Variants in MYL1 observed in about 807,000 individuals in gnomAD.
MYL1 encodes the protein myosin light chain 1/3, skeletal muscle isoform.
A neutral mutation model predicts 21.8 loss-of-function variants in MYL1; 16 were observed. That is an observed-to-expected ratio of 0.74 (90% CI 0.50 to 1.12). The LOEUF (loss-of-function observed/expected upper bound fraction) is 1.12. Among genes scored for constraint, MYL1 ranks in the 50% most tolerant of loss-of-function variants. The probability of loss-of-function intolerance (pLI) is 0.00; values close to 1 mark genes in which losing one functional copy is unlikely to be tolerated. For missense variants in MYL1, 246 were observed against 241.0 expected, an observed-to-expected ratio of 1.02 and a Z score of -0.14; for synonymous variants, 99 against 85.2, an observed-to-expected ratio of 1.16 and a Z score of -0.89.
chr2:210,296,335 G>A (rs1376990032), intron 3 of MYL1, among the ~76,000 whole-genome samples: 1 of 152,114 alleles, frequency 6.6e-6, no homozygotes, highest in Non-Finnish European at 1.5e-5. Context: ...AAAATGAATT[G>A]TTGCTAGTAT....
intron 1 of MYL1, among the ~76,000 whole-genome samples, chr2:210,308,539 G>C (rs1690374050): frequency 6.7e-6 from 1 of 150,176 alleles, no homozygotes. Flanking sequence ...TAGGTGGTTA[G>C]ATTGCATAAA....
At chr2:210,302,453 T>G in intron 2 of MYL1, 35 bp downstream of exon 2, 1 of 1,592,218 alleles carries the variant, frequency 6.3e-7, no homozygotes, top group Non-Finnish European at 8.5e-7. Flanking sequence ...TCTTTATGAG[T>G]GTGCACATTT....
chr2:210,291,175 T>A, intron 5 of MYL1, 101 bp from the exon 6 acceptor site: 2 of 900,844 alleles, frequency 2.2e-6, no homozygotes, highest in Non-Finnish European at 3.6e-6. Context: ...TATTTTTAGC[T>A]GTAACAATAG....
chr2:210,297,632 G>A (rs914156421), intron 3 of MYL1, among the ~76,000 whole-genome samples: 1 of 151,380 alleles, frequency 6.6e-6, no homozygotes, highest in Non-Finnish European at 1.5e-5. Flanking sequence ...TTTTCCATTA[G>A]ACTATTATAC....
rs71043988 is a variant in MYL1 at position 210,308,399 on chromosome 2, A to AATATATATATATATATAT, written c.133-5902_133-5885dup. On this transcript the variant is annotated intron_variant, in intron 1 of 6. Coordinates refer to ENST00000352451, the MANE Select transcript of MYL1 (RefSeq NM_079420.3). ...CTTCAACATAGGATATACTTAGGCTAATATATATATATATATATATATATA... is the reference window on the plus strand; with the variant it reads ...CTTCAACATAGGATATACTTAGGCTAATATATATATATATATATATATATATATATATATATATATATA... Among the ~76,000 whole-genome samples the AATATATATATATATATAT allele has an allele frequency of 7.9e-4, 67 of 84,750 alleles. 2 individuals are homozygous for AATATATATATATATATAT. Among genetic ancestry groups the AATATATATATATATATAT allele is most frequent in the Non-Finnish European group, 1.0e-3 (44 of 43,092 alleles). The allele number at this position is 84,750 out of a possible 152,430, so 55.6% of individuals were successfully genotyped here.
At chr2:210,307,851 C>T (rs1007527868) in intron 1 of MYL1, among the ~76,000 whole-genome samples, 9 of 152,168 alleles carry the variant, frequency 5.9e-5, no homozygotes, top group East Asian at 3.9e-4. Context: ...AAAGTAATTG[C>T]GGCTTTGCCA....
At chr2:210,310,700 C>T (rs1690405873) in intron 1 of MYL1, among the ~76,000 whole-genome samples, 1 of 151,948 alleles carries the variant, frequency 6.6e-6, no homozygotes, top group African/African-American at 2.4e-5. Context: ...CTATGGAGAA[C>T]AGAATAGTAG....
intron 3 of MYL1, among the ~76,000 whole-genome samples, chr2:210,296,181 G>A (rs1477369063): frequency 1.3e-5 from 2 of 152,154 alleles, no homozygotes; most frequent in Non-Finnish European, 2.9e-5. Context: ...CTAATTGTAT[G>A]TATTTACGGG....
chr2:210,308,686 A>G (rs1471868654), intron 1 of MYL1, among the ~76,000 whole-genome samples: 1 of 151,862 alleles, frequency 6.6e-6, no homozygotes, highest in Non-Finnish European at 1.5e-5. Flanking sequence ...AGAGAGGTCT[A>G]AGTGAATTTT....
In MYL1 at chr2:210,298,679, G is replaced by A. The variant is rs147299866; in HGVS notation, c.161-116C>T. 104 of 1,131,918 alleles carry A rather than the reference G, an allele frequency of 9.2e-5. No homozygotes were observed. The East Asian group carries it at 2.5e-3, about 27-fold the overall frequency. The allele number at this position is 1,131,918 out of a possible 1,614,324, so 70.1% of individuals were successfully genotyped here. A position where few individuals can be genotyped will look rare whatever the true frequency, so the allele number is the denominator to read the frequency against. ...CAGTTTTACAACTTCTGCCAACTAT[G>A]CAAGTTGTTATCCTGGATTCTCTTT... On this transcript the variant is annotated intron_variant, in intron 2 of 6. Transcript: ENST00000352451.
chr2:210,293,861 T>C (rs1245408166), intron 4 of MYL1, 61 bp from the exon 5 acceptor site: 1 of 1,466,184 alleles, frequency 6.8e-7, no homozygotes, highest in East Asian at 2.3e-5. Context: ...AAATCCACCA[T>C]AGGTCATCAG....
rs16844317 is a variant in MYL1, at chr2:210,305,109, A to G, written c.133-2594T>C. Among the ~76,000 whole-genome samples the G allele has an allele frequency of 2.9e-3, 444 of 152,334 alleles. 1 individual carries two copies. Among genetic ancestry groups the G allele is most frequent in the African/African-American group, 0.01 (424 of 41,584 alleles). ...AACTGTTTTTAGGGGGATGGTCACAAAAAACATGAAGTCTTCCCTTCTAGA... is the reference window on the plus strand; with the variant it reads ...AACTGTTTTTAGGGGGATGGTCACAGAAAACATGAAGTCTTCCCTTCTAGA... On this transcript the variant is annotated intron_variant, in intron 1 of 6. Coordinates refer to ENST00000352451, the MANE Select transcript of MYL1 (RefSeq NM_079420.3).
Position 210,294,225 on chromosome 2 carries a change from A to G in MYL1, c.478+20T>C. ...CTATATATTCTGTCTCACTAAGTCC[A>G]CTGAAATAAATTCCCTTACCCAGGG... On this transcript the variant is annotated intron_variant, in intron 4 of 6. Coordinates refer to ENST00000352451, the MANE Select transcript of MYL1 (RefSeq NM_079420.3). 6.3e-7 allele frequency: 1 copy of G among 1,595,636 alleles called. No homozygotes were observed. Among genetic ancestry groups the G allele is most frequent in the South Asian group, 1.1e-5 (1 of 88,098 alleles).
At chr2:210,296,361 C>T (rs992093810) in intron 3 of MYL1, among the ~76,000 whole-genome samples, 3 of 152,134 alleles carry the variant, frequency 2.0e-5, no homozygotes, top group Non-Finnish European at 4.4e-5. Flanking sequence ...TCCTATAGTG[C>T]TTTAGAACAC....
Position 210,291,167 on chromosome 2 carries a change from T to G in MYL1, c.557-93A>C. On this transcript the variant is annotated intron_variant, in intron 5 of 6. Transcript: ENST00000352451. The stretch of plus-strand genomic sequence containing the variant: ...GGTTTAATGAGTTAGCTCAATCCTA[T>G]TTTTAGCTGTAACAATAGTTTCTTT... 3 of 954,022 alleles carry G rather than the reference T, an allele frequency of 3.1e-6. No individual in the cohort carries two copies. In the South Asian group the frequency reaches 4.3e-5, roughly 14 times the overall value. The allele number at this position is 954,022 out of a possible 1,614,324, so 59.1% of individuals were successfully genotyped here. A position where few individuals can be genotyped will look rare whatever the true frequency, so the allele number is the denominator to read the frequency against.
chr2:210,306,020 A>G (rs896906723), intron 1 of MYL1, among the ~76,000 whole-genome samples: 4 of 151,246 alleles, frequency 2.6e-5, no homozygotes, highest in Non-Finnish European at 4.4e-5. Context: ...AGATCGTGCC[A>G]TTGCACTCCA....
intron 1 of MYL1, among the ~76,000 whole-genome samples, chr2:210,306,692 G>A (rs920757872): frequency 6.6e-6 from 1 of 151,660 alleles, no homozygotes; most frequent in Non-Finnish European, 1.5e-5. Flanking sequence ...AGAATAAATG[G>A]GAAATCCAAT....
intron 1 of MYL1, among the ~76,000 whole-genome samples, chr2:210,312,749 A>T (rs1690434064): frequency 6.6e-6 from 1 of 151,538 alleles, no homozygotes; most frequent in Non-Finnish European, 1.5e-5. Flanking sequence ...TGTTTCTTCC[A>T]GATTCATTTA....
intron 1 of MYL1, among the ~76,000 whole-genome samples, chr2:210,306,409 G>T (rs1336487464): frequency 1.3e-5 from 2 of 151,078 alleles, no homozygotes; most frequent in Non-Finnish European, 2.9e-5. Context: ...TTGAATTTAT[G>T]TTATGAATAA....
Sources: gnomAD v4.1 joint callset for allele counts (sites outside exome capture counted in the v4.1 genomes callset) on GRCh38, gnomAD v4.1.1 for gene constraint, MANE v1.5 for transcripts, NCBI Gene and HGNC (gene_info 2026-07-23, HGNC 2026-07-21) for gene names.